Variants in HIRA observed in about 807,000 individuals in gnomAD.
HIRA encodes histone cell cycle regulator.
A neutral mutation model predicts 126.6 loss-of-function variants in HIRA; 13 were observed. That is an observed-to-expected ratio of 0.10 (90% CI 0.07 to 0.16). The LOEUF is 0.16. Ranked by LOEUF, HIRA falls within the 10% of genes least tolerant of loss-of-function variation. The pLI, the probability that HIRA is intolerant of heterozygous loss-of-function variation, is 1.00. For missense variants in HIRA, 834 were observed against 1,314.4 expected, an observed-to-expected ratio of 0.63 and a Z score of 5.65; for synonymous variants, 511 against 520.0, an observed-to-expected ratio of 0.98 and a Z score of 0.24.
intron 9 of HIRA, among the ~76,000 whole-genome samples, chr22:19,388,804 T>C (rs918673156): frequency 6.6e-6 from 1 of 152,160 alleles, no homozygotes; most frequent in Non-Finnish European, 1.5e-5. Context: ...GGAAATAGCT[T>C]TATACACAGA....
chr22:19,406,852 G>C (rs1216633655), intron 4 of HIRA, among the ~76,000 whole-genome samples: 1 of 152,294 alleles, frequency 6.6e-6, no homozygotes, highest in African/African-American at 2.4e-5. Flanking sequence ...AAGAACCAGA[G>C]CACCCTGACT....
chr22:19,359,254 C>G, intron 18 of HIRA, 82 bp downstream of exon 18: 2 of 1,385,296 alleles, frequency 1.4e-6, no homozygotes, highest in Non-Finnish European at 1.9e-6. Flanking sequence ...GGTCATGCAC[C>G]TCCCCTAGAC....
chr22:19,396,037 A>G (rs970695439), intron 7 of HIRA, among the ~76,000 whole-genome samples: 4 of 152,192 alleles, frequency 2.6e-5, no homozygotes, highest in African/African-American at 7.2e-5. Context: ...TGCAGGGTGC[A>G]TATCAACAAG....
At chr22:19,364,941 G>A (rs2088898715) in intron 15 of HIRA, among the ~76,000 whole-genome samples, 1 of 152,218 alleles carries the variant, frequency 6.6e-6, no homozygotes, top group Admixed American at 6.5e-5. Context: ...TGCTACTCCA[G>A]TGAACACATG....
chr22:19,361,172 T>C (rs1240743887), intron 17 of HIRA, 65 bp downstream of exon 17: 1 of 1,189,266 alleles, frequency 8.4e-7, no homozygotes, highest in South Asian at 1.2e-5. Flanking sequence ...AGGATTTGTA[T>C]GCAGTAGGGG....
intron 5 of HIRA, 25 bp from the exon 6 acceptor site, chr22:19,398,112 TGA>T: frequency 6.4e-7 from 1 of 1,569,718 alleles, no homozygotes; most frequent in Non-Finnish European, 8.8e-7. Flanking sequence ...AGGGTTCTGG[TGA>T]GATCTCTTAC....
At position 19,385,730 on chromosome 22, in the gene HIRA, T is replaced by C; in HGVS notation, c.1120A>G (p.Ile374Val). 1 of 1,613,434 alleles carries C rather than the reference T, an allele frequency of 6.2e-7. No homozygotes were observed. The highest frequency in any genetic ancestry group is 8.5e-7 in the Non-Finnish European group (1 of 1,179,754). Residue 374 changes from isoleucine (I) to valine (V), a missense_variant, in exon 12 of 25, where the codon ATT (isoleucine) becomes GTT (valine). Physicochemically the swap from Ile to Val is conservative, Grantham distance 29. This residue lies in a region of HIRA where 153 missense variants were observed against 270.6 expected (regional missense o/e 0.57). Transcript: ENST00000263208. The stretch of plus-strand genomic sequence containing the variant: ...CTCTTGCCATAGGTGGACTGGTGAA[T>C]GCGGCTCTGGGGAAGCAAGGAGAGG... ...DPLSEEEKSR[I>V]HQSTYGKSLA...
intron 12 of HIRA, among the ~76,000 whole-genome samples, chr22:19,384,528 A>C (rs1455307731): frequency 6.6e-6 from 1 of 152,132 alleles, no homozygotes; most frequent in East Asian, 1.9e-4. Flanking sequence ...ACCCAAGCAA[A>C]GAACAAGCAG....
At chr22:19,359,290 G>A (rs993552326) in intron 18 of HIRA, 46 bp downstream of exon 18, 9 of 1,490,024 alleles carry the variant, frequency 6.0e-6, no homozygotes, top group South Asian at 4.1e-5. Flanking sequence ...ATGATGGCAT[G>A]TGTGCCTGTG....
In HIRA at chr22:19,354,039, G is replaced by A; in HGVS notation, c.2641C>T (p.Leu881=). The A allele has an allele frequency of 1.2e-6, 2 of 1,613,454 alleles. No individual in the cohort carries two copies. Among genetic ancestry groups the A allele is most frequent in the Non-Finnish European group, 1.7e-6 (2 of 1,179,796 alleles). The change falls in exon 22 of 25, where the codon CTG becomes TTG. Residue 881 remains leucine (L), a synonymous_variant. Coordinates refer to ENST00000263208, the MANE Select transcript of HIRA (RefSeq NM_003325.4). The part of the protein sequence containing the change: ...RSSLPSQDAM[L]CSGPLAIIQG... ...ATTATGGCTAACGGTCCTGAGCACA[G>A]CATGGCGTCCTGGGATGGCAGGCTG... is the stretch of plus-strand genomic sequence containing the variant.
chr22:19,350,692 A>C (rs1285162099), intron 24 of HIRA, among the ~76,000 whole-genome samples: 5 of 152,070 alleles, frequency 3.3e-5, no homozygotes, highest in African/African-American at 1.2e-4. Flanking sequence ...AACTCTGCCA[A>C]GAAGAAAACG....
intron 3 of HIRA, 103 bp from the exon 4 acceptor site, chr22:19,407,377 C>A: frequency 1.1e-6 from 1 of 902,988 alleles, no homozygotes; most frequent in Middle Eastern, 2.3e-4. Flanking sequence ...TCTAATCTAT[C>A]TAATCTATTT....
At position 19,387,740 on chromosome 22, in the gene HIRA, G is replaced by A; in HGVS notation, c.1084C>T (p.Leu362Phe). Residue 362 changes from leucine to phenylalanine, a missense_variant, in exon 11 of 25, where the codon CTT becomes TTT. Leu to Phe is a conservative substitution (Grantham distance 22). Transcript: ENST00000263208. ...VAFLDFSQDE[L>F]GDPLSEEEKS... The stretch of plus-strand genomic sequence containing the variant: ...TCCTCCTCGCTCAGGGGATCGCCAA[G>A]CTCATCCTGGGAGAAGTCGAGGAAT... 1 of 1,613,966 alleles carries A rather than the reference G, an allele frequency of 6.2e-7. No homozygotes were observed. Among genetic ancestry groups the A allele is most frequent in the Non-Finnish European group, 8.5e-7 (1 of 1,179,954 alleles).
chr22:19,398,170 T>C, intron 5 of HIRA, 83 bp from the exon 6 acceptor site: 2 of 994,264 alleles, frequency 2.0e-6, no homozygotes, highest in East Asian at 2.6e-5. Flanking sequence ...CCCTGGGACC[T>C]GGGACCATCA....
intron 15 of HIRA, chr22:19,366,102 C>A (rs532804646): frequency 6.6e-6 from 1 of 152,112 alleles, no homozygotes; most frequent in South Asian, 2.1e-4. Context: ...GTGGTTCCCG[C>A]CTGTAATCCC....
At chr22:19,410,573 A>G (rs1047441759) in intron 2 of HIRA, 143 bp downstream of exon 2, 1 of 662,244 alleles carries the variant, frequency 1.5e-6, no homozygotes, top group East Asian at 2.6e-5. Context: ...CATTCAGATA[A>G]CACATTATAA....
intron 5 of HIRA, 23 bp downstream of exon 5, chr22:19,405,763 C>T (rs770755568): frequency 3.6e-6 from 5 of 1,375,900 alleles, no homozygotes; most frequent in Non-Finnish European, 4.8e-6. Flanking sequence ...GGCCCACCCA[C>T]CCCAACAGGC....
At chr22:19,386,958 A>G (rs1601836462) in intron 11 of HIRA, among the ~76,000 whole-genome samples, 1 of 152,210 alleles carries the variant, frequency 6.6e-6, no homozygotes, top group South Asian at 2.1e-4. Flanking sequence ...TCCACCAGCA[A>G]ATAAGGTCAT....
At chr22:19,357,125 G>C (rs2088820506) in intron 18 of HIRA, 74 bp from the exon 19 acceptor site, 4 of 1,550,154 alleles carry the variant, frequency 2.6e-6, no homozygotes, top group African/African-American at 1.4e-5. Context: ...TGGAAGTGTG[G>C]GCCTTCCCTC....
Sources: gnomAD v4.1 joint callset for allele counts (sites outside exome capture counted in the v4.1 genomes callset) on GRCh38, gnomAD v4.1.1 for gene constraint, gnomAD v4.1.1 regional missense constraint, MANE v1.5 for transcripts, NCBI Gene and HGNC (gene_info 2026-07-23, HGNC 2026-07-21) for gene names.